The following DYM variants were observed in gnomAD, a reference collection of about 807,000 sequenced individuals.
DYM encodes the protein dyggve-Melchior-Clausen syndrome protein.
Under a neutral mutation model 93.1 loss-of-function variants are expected in DYM, and 78 were observed. The observed-to-expected ratio is 0.84, with a 90% confidence interval of 0.70 to 1.01. DYM has a LOEUF of 1.01. Ranked by LOEUF, DYM falls within the 50% of genes least tolerant of loss-of-function variation. The pLI is 0.00. For synonymous variants in DYM, 321 were observed against 319.7 expected (o/e 1.00, Z -0.04); for missense variants, 789 against 845.0 (o/e 0.93, Z 0.82).
At chr18:49,197,123 G>A (rs1315087589) in intron 14 of DYM, among the ~76,000 whole-genome samples, 2 of 152,040 alleles carry the variant, frequency 1.3e-5, no homozygotes, top group African/African-American at 4.8e-5. Flanking sequence ...TTGGGAGATG[G>A]GACATGTGAG....
chr18:49,173,417 A>C (rs2088997182), intron 14 of DYM, among the ~76,000 whole-genome samples: 1 of 152,078 alleles, frequency 6.6e-6, no homozygotes, highest in South Asian at 2.1e-4. Flanking sequence ...TAAGTCTCTA[A>C]TCCATGAGGA....
intron 17 of DYM, among the ~76,000 whole-genome samples, chr18:49,064,600 C>T (rs1297756738): frequency 6.6e-6 from 1 of 152,094 alleles, no homozygotes; most frequent in Non-Finnish European, 1.5e-5. Context: ...CTAAAAATAA[C>T]ACAAAACTAG....
In DYM at chr18:49,363,638, C is replaced by A. The variant is rs78628878; in HGVS notation, c.422-405G>T. ...GGTAGAGGACTTTTATCCCTCCCTC[C>A]CCAACAAATATCTGGCCTTACCCTT... On this transcript the variant is annotated intron_variant, in intron 5 of 17. Transcript: ENST00000675505. Among the ~76,000 whole-genome samples the A allele has an allele frequency of 3.4e-3, 522 of 152,272 alleles. 4 individuals carry two copies. Among genetic ancestry groups the A allele is most frequent in the African/African-American group, 0.012 (484 of 41,550 alleles).
chr18:49,127,674 C>G (rs879628532), intron 15 of DYM, among the ~76,000 whole-genome samples: 11 of 152,300 alleles, frequency 7.2e-5, no homozygotes, highest in Middle Eastern at 3.4e-3. Flanking sequence ...AAGGCAATCA[C>G]TTGGTGACAG....
At chr18:49,271,150 A>G (rs2094687061) in intron 11 of DYM, among the ~76,000 whole-genome samples, 1 of 152,164 alleles carries the variant, frequency 6.6e-6, no homozygotes, top group Non-Finnish European at 1.5e-5. Flanking sequence ...AAAATTCGGT[A>G]AGTTTGAATA....
At chr18:49,315,668 T>C (rs1448932508) in intron 8 of DYM, among the ~76,000 whole-genome samples, 1 of 152,212 alleles carries the variant, frequency 6.6e-6, no homozygotes, top group East Asian at 1.9e-4. Flanking sequence ...AGCACAATTA[T>C]TTTCTAATTC....
chr18:49,219,276 C>A (rs867643732), intron 13 of DYM, among the ~76,000 whole-genome samples: 1 of 151,914 alleles, frequency 6.6e-6, no homozygotes, highest in Non-Finnish European at 1.5e-5. Flanking sequence ...AGCTTACCAA[C>A]CAAAAAGAGT....
chr18:49,170,239 C>T (rs771500471), intron 14 of DYM, among the ~76,000 whole-genome samples: 1 of 152,096 alleles, frequency 6.6e-6, no homozygotes, highest in East Asian at 1.9e-4. Context: ...AGGCACACAG[C>T]TAAGTGGTGG....
intron 1 of DYM, chr18:49,447,432 A>G (rs2082185217): frequency 6.6e-6 from 1 of 152,364 alleles, no homozygotes; most frequent in Middle Eastern, 3.4e-3. Context: ...TAGTGTAGCC[A>G]CTTCATAATG....
At chr18:49,198,187 A>G (rs376960864) in intron 14 of DYM, among the ~76,000 whole-genome samples, 1,551 of 152,218 alleles carry the variant, frequency 0.01, 41 homozygotes, top group South Asian at 0.077. Context: ...TATGGAGAAA[A>G]CTGAAACTGG....
chr18:49,118,893 G>A lies in DYM; in HGVS notation c.1762C>T (p.Arg588Ter), dbSNP rs780873164. 5.0e-6 allele frequency: 8 copies of A among 1,613,886 alleles called. No individual in the cohort carries two copies. Among genetic ancestry groups the A allele is most frequent in the African/African-American group, 2.7e-5 (2 of 74,924 alleles). The change falls in exon 16 of 18, where the codon CGA becomes TGA. Residue 588 changes from arginine (R) to a stop codon, truncating the protein, a stop_gained. Transcript: ENST00000675505. LOFTEE classifies it high-confidence loss of function. ...QDLNVIEEVI[R>*]MMLEIINSCL... ...GAGTTGATGATCTCTAACATCATTC[G>A]AATCACTTCTTCAATGACATTTAGG...
At chr18:49,074,077 G>T (rs1218472348) in intron 17 of DYM, among the ~76,000 whole-genome samples, 1 of 152,164 alleles carries the variant, frequency 6.6e-6, no homozygotes, top group African/African-American at 2.4e-5. Context: ...CACTTTAACA[G>T]CTAGGTTCTT....
chr18:49,173,780 C>T (rs1210997301), intron 14 of DYM, among the ~76,000 whole-genome samples: 1 of 151,962 alleles, frequency 6.6e-6, no homozygotes, highest in Non-Finnish European at 1.5e-5. Flanking sequence ...GTGCAAATAG[C>T]TAAATAGTTA....
intron 14 of DYM, among the ~76,000 whole-genome samples, chr18:49,180,027 T>A (rs890379003): frequency 1.3e-5 from 2 of 152,132 alleles, no homozygotes; most frequent in East Asian, 3.8e-4. Flanking sequence ...TACTTTTGTA[T>A]AATAGATGTA....
intron 6 of DYM, among the ~76,000 whole-genome samples, chr18:49,345,605 A>G (rs938591773): frequency 3.9e-5 from 6 of 152,166 alleles, no homozygotes; most frequent in African/African-American, 1.4e-4. Context: ...AACAACAAAG[A>G]GGCCAGTAGG....
chr18:49,425,744 C>A (rs1269638104), intron 2 of DYM, among the ~76,000 whole-genome samples: 8 of 152,166 alleles, frequency 5.3e-5, no homozygotes. Flanking sequence ...AGGGTATGAA[C>A]AGATACTTCT....
At chr18:49,229,627 G>A (rs996020889) in intron 13 of DYM, among the ~76,000 whole-genome samples, 1 of 152,254 alleles carries the variant, frequency 6.6e-6, no homozygotes, top group Admixed American at 6.5e-5. Context: ...AATTTCTGGT[G>A]AAGATGTGGA....
rs755522753 is a variant in DYM at position 49,333,939 on chromosome 18, C to G, written c.495-86G>C. On this transcript the variant is annotated intron_variant, in intron 6 of 17. Coordinates refer to ENST00000675505, the MANE Select transcript of DYM (RefSeq NM_001353214.3). Reference sequence around the variant, plus strand: ...TAAATGAACTATACATTTAAAAACTCAAATCTAAATATTCAGTATTTTCAG... The same window carrying G: ...TAAATGAACTATACATTTAAAAACTGAAATCTAAATATTCAGTATTTTCAG... 376 of 1,373,444 alleles carry G rather than the reference C, an allele frequency of 2.7e-4. 1 individual carries two copies. The highest frequency in any genetic ancestry group is 3.4e-4 in the Non-Finnish European group (338 of 992,072). 85.1% of individuals were successfully genotyped at this position (1,373,444 alleles called of 1,614,324 possible). A position where few individuals can be genotyped will look rare whatever the true frequency, so the allele number is the denominator to read the frequency against.
At position 49,043,385 on chromosome 18, in the gene DYM, T is replaced by A. The variant is rs189339367; in HGVS notation, c.*670A>T. On this transcript the variant is annotated 3_prime_UTR_variant, in exon 18 of 18. Transcript: ENST00000675505. ...GCTCAAGGGATTCTGCTAACTTGGC[T>A]CCCCAAAGTGCTGGGATTACAAATG... The A allele has an allele frequency of 7.9e-5, 12 of 152,350 alleles. No homozygotes were observed. The highest frequency in any genetic ancestry group is 1.3e-4 in the Non-Finnish European group (9 of 68,086). 9.4% of individuals were successfully genotyped at this position (152,350 alleles called of 1,614,324 possible). A position where few individuals can be genotyped will look rare whatever the true frequency, so the allele number is the denominator to read the frequency against.
Sources: allele counts gnomAD v4.1 joint callset (sites outside exome capture counted in the v4.1 genomes callset), GRCh38; gene constraint gnomAD v4.1.1; transcripts MANE v1.5; gene names NCBI Gene and HGNC (gene_info 2026-07-23, HGNC 2026-07-21).